NID2: variants seen among roughly 807,000 people sequenced by gnomAD.
NID2 encodes nidogen 2.
A neutral mutation model predicts 145.4 loss-of-function variants in NID2; 83 were observed. The observed-to-expected ratio is 0.57, with a 90% confidence interval of 0.48 to 0.69. The LOEUF (loss-of-function observed/expected upper bound fraction) is 0.69, where lower values mean the gene tolerates loss of function less well. Ranked by LOEUF, NID2 falls within the 30% of genes least tolerant of loss-of-function variation. NID2 has a pLI of 0.00. For missense variants in NID2, 1,807 were observed against 1,765.7 expected (o/e 1.02, Z -0.42); for synonymous variants, 739 against 701.3 (o/e 1.05, Z -0.85).
intron 12 of NID2, among the ~76,000 whole-genome samples, chr14:52,023,375 A>G (rs1276225306): frequency 6.6e-6 from 1 of 152,002 alleles, no homozygotes; most frequent in Non-Finnish European, 1.5e-5. Context: ...GGATCACTTG[A>G]GCCTGGAAGG....
intron 12 of NID2, among the ~76,000 whole-genome samples, chr14:52,023,715 CACCA>C (rs1365313157): frequency 1.3e-5 from 2 of 152,188 alleles, no homozygotes; most frequent in Non-Finnish European, 2.9e-5. Context: ...ATCCAGCTCA[CACCA>C]ACACAAGTTT....
At chr14:52,023,945 G>A (rs1019639136) in intron 12 of NID2, among the ~76,000 whole-genome samples, 1 of 152,208 alleles carries the variant, frequency 6.6e-6, no homozygotes, top group African/African-American at 2.4e-5. Context: ...ACAATGCATA[G>A]CACCCACAAA....
chr14:52,047,692 C>T (rs556537120), intron 5 of NID2, among the ~76,000 whole-genome samples: 1 of 152,130 alleles, frequency 6.6e-6, no homozygotes, highest in East Asian at 1.9e-4. Context: ...ATGTTCAGTC[C>T]TGATGTGGGA....
intron 5 of NID2, among the ~76,000 whole-genome samples, chr14:52,043,418 T>C (rs1025841815): frequency 4.6e-5 from 7 of 152,180 alleles, no homozygotes; most frequent in Admixed American, 6.5e-5. Flanking sequence ...GCTACCAAGA[T>C]TGTTTTGAGG....
chr14:52,016,912 A>G (rs550120097), intron 14 of NID2, among the ~76,000 whole-genome samples: 2 of 152,282 alleles, frequency 1.3e-5, no homozygotes, highest in South Asian at 4.1e-4. Flanking sequence ...CTCTAGCTCA[A>G]CTGCACGACT....
chr14:52,032,359 A>G (rs920777635), intron 9 of NID2, among the ~76,000 whole-genome samples: 17 of 152,214 alleles, frequency 1.1e-4, no homozygotes, highest in African/African-American at 4.1e-4. Context: ...AACCTGATGA[A>G]CTATGTCAGC....
Position 52,038,975 on chromosome 14 carries a change from C to T in NID2, c.2029G>A (p.Val677Met). 1 of 1,597,580 alleles carries T rather than the reference C, an allele frequency of 6.3e-7. No individual in the cohort carries two copies. The highest frequency in any genetic ancestry group is 8.5e-7 in the Non-Finnish European group (1 of 1,171,644). ...KELYHYSDST[V>M]TSTSSRDYSL... ...TAGTCTCTGGAACTTGTAGAGGTCA[C>T]AGCTGCAACAAACACAGTGGTAATT... The change falls in exon 9 of 22, where the codon GTG (valine) becomes ATG (methionine). Residue 677 changes from valine to methionine, a missense_variant and splice_region_variant. Transcript: ENST00000216286.
At chr14:52,023,048 T>G (rs1018998783) in intron 12 of NID2, among the ~76,000 whole-genome samples, 1 of 152,206 alleles carries the variant, frequency 6.6e-6, no homozygotes, top group African/African-American at 2.4e-5. Flanking sequence ...ATAAACTACT[T>G]CCTTTCAAGC....
chr14:52,007,779 T>G, intron 19 of NID2, 31 bp downstream of exon 19: 1 of 1,585,926 alleles, frequency 6.3e-7, no homozygotes, highest in Non-Finnish European at 8.6e-7. Flanking sequence ...TGATGAGAGG[T>G]TATCTATTTG....
chr14:52,007,909 C>T lies in NID2; in HGVS notation c.3781G>A (p.Asp1261Asn). 6.2e-7 allele frequency: 1 copy of T among 1,613,836 alleles called. No individual in the cohort carries two copies. Among genetic ancestry groups the T allele is most frequent in the Non-Finnish European group, 8.5e-7 (1 of 1,179,866 alleles). ...ATCAGAATTCTTCTGTTTTCTCCAT[C>T]TAAAGATGACGTTTCAATTTTAGGA... ...EAPKIETSSL[D>N]GENRRILINT... Residue 1261 changes from aspartate (D) to asparagine (N), a missense_variant, in exon 19 of 22, where the codon GAT becomes AAT. Asp to Asn is a conservative substitution (Grantham distance 23). Coordinates refer to ENST00000216286, the MANE Select transcript of NID2 (RefSeq NM_007361.4).
At position 52,015,088 on chromosome 14, in the gene NID2, C is replaced by T; in HGVS notation, c.3216G>A (p.Gln1072=). 6.2e-7 allele frequency: 1 copy of T among 1,614,040 alleles called. No homozygotes were observed. Among genetic ancestry groups the T allele is most frequent in the South Asian group, 1.1e-5 (1 of 91,070 alleles). Residue 1072 remains glutamine, a synonymous_variant, in exon 15 of 22, where the codon CAG becomes CAA. Transcript: ENST00000216286. ...TGGTGCCTGGCTGGGAGCGGGTGCC[C>T]TGCACCTCTCTGCCATCTTTGTCCA... ...WCVDKDGREV[Q]GTRSQPGTTP...
At chr14:52,060,417 A>C (rs988541219) in intron 2 of NID2, 61 bp from the exon 3 acceptor site, 5 of 949,780 alleles carry the variant, frequency 5.3e-6, no homozygotes, top group Non-Finnish European at 7.3e-6. Flanking sequence ...TAAAAAACAA[A>C]TAAAAGAAGA....
At chr14:52,013,619 T>C (rs1483351325) in intron 16 of NID2, among the ~76,000 whole-genome samples, 3 of 152,156 alleles carry the variant, frequency 2.0e-5, no homozygotes, top group Non-Finnish European at 2.9e-5. Context: ...CCCTTTTTTT[T>C]CCTCCATTTT....
At chr14:52,065,807 ATCCATG>A (rs1893182235) in intron 2 of NID2, among the ~76,000 whole-genome samples, 2 of 132,702 alleles carry the variant, frequency 1.5e-5, no homozygotes, top group Non-Finnish European at 3.1e-5. Context: ...TTCCAATTTC[ATCCATG>A]TCCCTACAAA....
At chr14:52,009,965 CA>C (rs1890944409) in intron 18 of NID2, 2 of 150,460 alleles carry the variant, frequency 1.3e-5, no homozygotes, top group Non-Finnish European at 3.0e-5. Context: ...CCAGCCTCGG[CA>C]ACAAAGCAAG....
chr14:52,031,072 T>C (rs1021075125), intron 9 of NID2, among the ~76,000 whole-genome samples: 2 of 152,170 alleles, frequency 1.3e-5, no homozygotes, highest in African/African-American at 4.8e-5. Context: ...AGTCTAGCAG[T>C]CTGGTTCCAT....
intron 9 of NID2, among the ~76,000 whole-genome samples, chr14:52,033,117 A>G (rs28710170): frequency 0.03 from 4,594 of 152,268 alleles, 242 homozygotes; most frequent in African/African-American, 0.1. Flanking sequence ...TATGACTTGT[A>G]AGCTTTTCTC....
chr14:52,058,807 T>C (rs187905475), intron 3 of NID2, among the ~76,000 whole-genome samples: 37 of 152,164 alleles, frequency 2.4e-4, no homozygotes, highest in Admixed American at 5.9e-4. Context: ...TCCATGTGCT[T>C]GGCCATTGTG....
chr14:52,027,199 A>T lies in NID2; in HGVS notation c.2674+2T>A, dbSNP rs1197610764. On this transcript the variant is annotated splice_donor_variant, in intron 12 of 21. Coordinates refer to ENST00000216286, the MANE Select transcript of NID2 (RefSeq NM_007361.4). LOFTEE classifies it high-confidence loss of function. ...CATTGAGGCTGACCTGCAGTTACTC[A>T]CCAGTGCACTGGTGCCCATCGCCGG... 6.7e-7 allele frequency: 1 copy of T among 1,502,554 alleles called. No individual in the cohort carries two copies. Among genetic ancestry groups the T allele is most frequent in the South Asian group, 1.3e-5 (1 of 75,574 alleles). 93.1% of individuals were successfully genotyped at this position (1,502,554 alleles called of 1,614,324 possible).
Sources: gnomAD v4.1 joint callset for allele counts (sites outside exome capture counted in the v4.1 genomes callset) on GRCh38, gnomAD v4.1.1 for gene constraint, MANE v1.5 for transcripts, NCBI Gene and HGNC (gene_info 2026-07-23, HGNC 2026-07-21) for gene names.